ZCWPW1: variants seen among roughly 807,000 people sequenced by gnomAD.
The protein encoded by ZCWPW1 is zinc finger CW-type and PWWP domain containing 1, also known as zinc finger CW-type PWWP domain protein 1.
In ZCWPW1, 56 loss-of-function variants were observed where a neutral mutation model predicts 81.3. That is an observed-to-expected ratio of 0.69 (90% confidence interval 0.56 to 0.86). The LOEUF is 0.86. Among genes scored for constraint, ZCWPW1 ranks in the 40% least tolerant of loss-of-function variants. The pLI, the probability that ZCWPW1 is intolerant of heterozygous loss-of-function variation, is 0.00. For synonymous variants in ZCWPW1, 250 were observed against 273.7 expected, an observed-to-expected ratio of 0.91 and a Z score of 0.86; for missense variants, 650 against 769.8, an observed-to-expected ratio of 0.84 and a Z score of 1.84.
At chr7:100,420,345 G>A (rs1267121076) in intron 3 of ZCWPW1, among the ~76,000 whole-genome samples, 1 of 152,048 alleles carries the variant, frequency 6.6e-6, no homozygotes, top group Non-Finnish European at 1.5e-5. Context: ...ATCTTTCTTT[G>A]AGCTTCCTTA....
At chr7:100,405,165 C>G (rs1176286485) in intron 12 of ZCWPW1, 72 bp from the exon 13 acceptor site, 1 of 1,471,008 alleles carries the variant, frequency 6.8e-7, no homozygotes, top group Non-Finnish European at 9.3e-7. Context: ...TGCGGTGGCT[C>G]ACACCTGTAA....
chr7:100,412,817 G>A (rs1434308538), intron 8 of ZCWPW1, among the ~76,000 whole-genome samples: 11 of 152,030 alleles, frequency 7.2e-5, no homozygotes, highest in Non-Finnish European at 1.5e-4. Flanking sequence ...TCCTGACCTC[G>A]TGATCCACCC....
chr7:100,401,193 T>C lies in ZCWPW1; in HGVS notation c.1771A>G (p.Arg591Gly). The C allele has an allele frequency of 6.2e-7, 1 of 1,614,246 alleles. No homozygotes were observed. The change falls in exon 18 of 18, where the codon AGA (arginine) becomes GGA (glycine). Residue 591 changes from arginine to glycine, a missense_variant. Arg to Gly is a moderately radical substitution (Grantham distance 125, BLOSUM62 -2). Transcript: ENST00000684423. ...ACPSSAKEEPRHREPLTQEAG... is the reference protein window; with the variant it reads ...ACPSSAKEEPGHREPLTQEAG... ...TCCTGGGTCAGGGGTTCCCGGTGTC[T>C]GGGCTCTTCTTTCGCAGATGAGGGG... is the stretch of plus-strand genomic sequence containing the variant.
At chr7:100,406,930 T>A in intron 11 of ZCWPW1, 132 bp from the exon 12 acceptor site, 1 of 770,840 alleles carries the variant, frequency 1.3e-6, no homozygotes, top group Non-Finnish European at 2.1e-6. Context: ...TTTCAAAGCC[T>A]GACTCATCTA....
rs913908826 is a variant in ZCWPW1, at chr7:100,419,171, T to G, written c.301A>C (p.Asn101His). ...TGGACAATCTCCTCAAATTCTGCAT[T>G]GGTAAGACTTGATTTTTCCTGCAGA... ...KKEKEKSSLT[N>H]AEFEEIVQIV... Residue 101 changes from asparagine (N) to histidine (H), a missense_variant, in exon 5 of 18, where the codon AAT (asparagine) becomes CAT (histidine). By Grantham distance (68) the Asn-to-His change is moderately conservative. Transcript: ENST00000684423. 6.2e-7 allele frequency: 1 copy of G among 1,612,980 alleles called. No individual in the cohort carries two copies. Among genetic ancestry groups the G allele is most frequent in the African/African-American group, 1.3e-5 (1 of 74,976 alleles).
chr7:100,409,294 T>C (rs1793709681), intron 9 of ZCWPW1, 134 bp downstream of exon 9: 1 of 691,408 alleles, frequency 1.4e-6, no homozygotes, highest in South Asian at 2.0e-5. Flanking sequence ...AGGCAGATCC[T>C]TCCTCTCTCC....
In ZCWPW1 at chr7:100,419,694, G is replaced by A; in HGVS notation, c.218C>T (p.Pro73Leu). The part of the protein sequence containing the change: ...KEEKATMKNV[P>L]SREQEKKRKA... ...TCTTTTTTTCTCCTGTTCCCTGCTT[G>A]GAACATTCTTCATGGTTGCTTTTTC... Residue 73 changes from proline (P) to leucine (L), a missense_variant, in exon 4 of 18, where the codon CCA becomes CTA. Transcript: ENST00000684423. 6.2e-7 allele frequency: 1 copy of A among 1,613,904 alleles called. No individual in the cohort carries two copies. Among genetic ancestry groups the A allele is most frequent in the East Asian group, 2.2e-5 (1 of 44,860 alleles).
chr7:100,420,568 A>G, intron 3 of ZCWPW1, 54 bp downstream of exon 3: 1 of 1,611,664 alleles, frequency 6.2e-7, no homozygotes, highest in Non-Finnish European at 8.5e-7. Flanking sequence ...GGATGTCCAA[A>G]AGGAGAAAAA....
chr7:100,422,953 G>A (rs1472252952), intron 2 of ZCWPW1, among the ~76,000 whole-genome samples: 2 of 152,178 alleles, frequency 1.3e-5, no homozygotes, highest in Non-Finnish European at 2.9e-5. Flanking sequence ...TGTCCACCCA[G>A]CTTTCTGAAG....
At chr7:100,416,988 C>T (rs565657315) in intron 6 of ZCWPW1, 78 bp downstream of exon 6, 2 of 986,404 alleles carry the variant, frequency 2.0e-6, no homozygotes, top group African/African-American at 3.3e-5. Flanking sequence ...ACCAGATAGA[C>T]AGACAGATAG....
intron 16 of ZCWPW1, 42 bp from the exon 17 acceptor site, chr7:100,402,083 A>C (rs375415919): frequency 6.4e-7 from 1 of 1,570,830 alleles, no homozygotes; most frequent in South Asian, 1.2e-5. Flanking sequence ...CTAAACGACA[A>C]CTCGGCAAGG....
At chr7:100,414,517 G>C (rs1006910930) in intron 8 of ZCWPW1, among the ~76,000 whole-genome samples, 3 of 152,072 alleles carry the variant, frequency 2.0e-5, no homozygotes, top group Admixed American at 2.0e-4. Flanking sequence ...CTGGGATCAA[G>C]AGATCCTCCC....
chr7:100,428,269 C>T (rs1798108122), intron 1 of ZCWPW1, among the ~76,000 whole-genome samples: 1 of 152,106 alleles, frequency 6.6e-6, no homozygotes, highest in Admixed American at 6.5e-5. Context: ...GGCACGAGGA[C>T]GCCCTGAGCA....
chr7:100,414,792 C>T (rs555669466), intron 8 of ZCWPW1, among the ~76,000 whole-genome samples: 48 of 152,106 alleles, frequency 3.2e-4, no homozygotes, highest in African/African-American at 1.1e-3. Flanking sequence ...TTTAGGAGGC[C>T]GAAGCGGGCA....
chr7:100,409,838 T>A (rs1793831644), intron 8 of ZCWPW1, among the ~76,000 whole-genome samples: 2 of 152,242 alleles, frequency 1.3e-5, no homozygotes, highest in African/African-American at 4.8e-5. Flanking sequence ...CTGAAAGGAA[T>A]GTTTCTTGTA....
At position 100,407,310 on chromosome 7, in the gene ZCWPW1, A is replaced by C; in HGVS notation, c.993-7T>G. 6.2e-7 allele frequency: 1 copy of C among 1,613,074 alleles called. No homozygotes were observed. Among genetic ancestry groups the C allele is most frequent in the East Asian group, 2.2e-5 (1 of 44,862 alleles). On this transcript the variant is annotated splice_region_variant and splice_polypyrimidine_tract_variant and intron_variant, in intron 10 of 17. Coordinates refer to ENST00000684423, the MANE Select transcript of ZCWPW1 (RefSeq NM_001386010.1). ...TTCTATCATGCCTGGCCACCTGGAG[A>C]AGATAGTTGGGTGTAGGGGACAGAA...
At chr7:100,410,444 C>T (rs1377803913) in intron 8 of ZCWPW1, among the ~76,000 whole-genome samples, 1 of 152,094 alleles carries the variant, frequency 6.6e-6, no homozygotes, top group African/African-American at 2.4e-5. Context: ...TATCATTGCC[C>T]CATTGCTACT....
intron 6 of ZCWPW1, 35 bp from the exon 7 acceptor site, chr7:100,416,491 A>C: frequency 6.2e-7 from 1 of 1,606,948 alleles, no homozygotes; most frequent in Non-Finnish European, 8.5e-7. Flanking sequence ...GAAAGGTAAA[A>C]ATAGAGCAAT....
intron 1 of ZCWPW1, among the ~76,000 whole-genome samples, chr7:100,426,858 C>T (rs1292650507): frequency 3.4e-4 from 24 of 71,160 alleles, no homozygotes; most frequent in Admixed American, 3.3e-3. Context: ...CCCTCTCCTT[C>T]CTACCCCCCT....
Sources: gnomAD v4.1 joint callset for allele counts (sites outside exome capture counted in the v4.1 genomes callset) on GRCh38, gnomAD v4.1.1 for gene constraint, MANE v1.5 for transcripts, NCBI Gene and HGNC (gene_info 2026-07-23, HGNC 2026-07-21) for gene names.